DHX38: variants seen among roughly 807,000 people sequenced by gnomAD.
The protein encoded by DHX38 is pre-mRNA-splicing factor ATP-dependent RNA helicase PRP16.
Under a neutral mutation model 153.1 loss-of-function variants are expected in DHX38, and 100 were observed. The observed-to-expected ratio is 0.65, with a 90% CI of 0.56 to 0.77. The LOEUF (loss-of-function observed/expected upper bound fraction) is 0.77. Among genes scored for constraint, DHX38 ranks in the 30% least tolerant of loss-of-function variants. The pLI is 0.00. For synonymous variants in DHX38, 650 were observed against 631.7 expected, an observed-to-expected ratio of 1.03 and a Z score of -0.43; for missense variants, 1,440 against 1,654.0, an observed-to-expected ratio of 0.87 and a Z score of 2.24.
intron 11 of DHX38, among the ~76,000 whole-genome samples, chr16:72,102,814 G>T (rs1188218957): frequency 6.6e-6 from 1 of 152,172 alleles, no homozygotes; most frequent in South Asian, 2.1e-4. Flanking sequence ...TGCTAATATG[G>T]TGATCTGTAA....
chr16:72,103,687 A>G lies in DHX38; in HGVS notation c.1723A>G (p.Thr575Ala), dbSNP rs1210169680. The G allele has an allele frequency of 6.2e-7, 1 of 1,614,200 alleles. No homozygotes were observed. The highest frequency in any genetic ancestry group is 8.5e-7 in the Non-Finnish European group (1 of 1,180,022). The change falls in exon 13 of 27, where the codon ACG (threonine) becomes GCG (alanine). Residue 575 changes from threonine (T) to alanine (A), a missense_variant. Transcript: ENST00000268482. The part of the protein sequence containing the change: ...LTQYLHEDGY[T>A]DYGMIGCTQP... ...GCAGTACCTGCATGAAGATGGTTAC[A>G]CGGACTATGGGATGATTGGGTGTAC...
In DHX38 at chr16:72,103,715, A is replaced by C; in HGVS notation, c.1751A>C (p.Gln584Pro). The change falls in exon 13 of 27, where the codon CAG becomes CCG. Residue 584 changes from glutamine to proline, a missense_variant. Gln to Pro is a moderately conservative substitution (Grantham distance 76). This residue lies in a region of DHX38 where 241 missense variants were observed against 229.5 expected (regional missense o/e 1.05). Transcript: ENST00000268482. The part of the protein sequence containing the change: ...YTDYGMIGCT[Q>P]PRRVAAMSVA... ...GACTATGGGATGATTGGGTGTACCC[A>C]GCCCCGGCGTGTAGCTGCCATGTCA... 6.2e-7 allele frequency: 1 copy of C among 1,614,118 alleles called. No individual in the cohort carries two copies. The highest frequency in any genetic ancestry group is 8.5e-7 in the Non-Finnish European group (1 of 1,179,954).
In DHX38 at chr16:72,105,219, C is replaced by A; in HGVS notation, c.2263-13C>A. 1 of 1,614,008 alleles carries A rather than the reference C, an allele frequency of 6.2e-7. No individual in the cohort carries two copies. On this transcript the variant is annotated splice_polypyrimidine_tract_variant and intron_variant, in intron 16 of 26. Transcript: ENST00000268482. ...GGGTTCCAGTGTCTCACAGCTCCTC[C>A]CTGGGCTCTCAGGTGACCTCAGACC...
chr16:72,098,766 T>G lies in DHX38; in HGVS notation c.738T>G (p.His246Gln), dbSNP rs1217361626. The stretch of plus-strand genomic sequence containing the variant: ...CCTATCGGGATTCTGAGCGGAGCCA[T>G]CGGCTGTCCACTCGAGATCGAGACA... ...TPSYRDSERS[H>Q]RLSTRDRDRS... Residue 246 changes from histidine (H) to glutamine (Q), a missense_variant, in exon 5 of 27, where the codon CAT becomes CAG. Transcript: ENST00000268482. The G allele has an allele frequency of 6.2e-7, 1 of 1,614,116 alleles. No homozygotes were observed. The highest frequency in any genetic ancestry group is 8.5e-7 in the Non-Finnish European group (1 of 1,180,016).
At chr16:72,099,973 A>G in intron 8 of DHX38, 86 bp downstream of exon 8, 7 of 1,501,694 alleles carry the variant, frequency 4.7e-6, no homozygotes, top group Non-Finnish European at 6.3e-6. Flanking sequence ...AAGTGAGGGC[A>G]GCACAGCTTG....
chr16:72,099,280 G>T lies in DHX38; in HGVS notation c.960G>T (p.Arg320Ser), dbSNP rs1363383431. 1 of 1,609,198 alleles carries T rather than the reference G, an allele frequency of 6.2e-7. No homozygotes were observed. The highest frequency in any genetic ancestry group is 1.7e-5 in the Admixed American group (1 of 59,498). The change falls in exon 7 of 27, where the codon AGG becomes AGT. Residue 320 changes from arginine (R) to serine (S), a missense_variant and splice_region_variant. Transcript: ENST00000268482. ...EERQQWEDDQ[R>S]QADRDWYMMD... The stretch of plus-strand genomic sequence containing the variant: ...GGCAGCAGTGGGAAGATGACCAGAG[G>T]GTAAAGTTTTATACCTCTGAGGGGC...
At position 72,104,699 on chromosome 16, in the gene DHX38, G is replaced by T. The variant is rs1300082236; in HGVS notation, c.2151+73G>T. The T allele has an allele frequency of 2.5e-6, 4 of 1,596,116 alleles. No individual in the cohort carries two copies. Among genetic ancestry groups the T allele is most frequent in the Non-Finnish European group, 3.4e-6 (4 of 1,169,910 alleles). On this transcript the variant is annotated intron_variant, in intron 15 of 26. Transcript: ENST00000268482. The surrounding 1 kb of genome is among the most constrained non-coding windows in gnomAD (Gnocchi z 4.5). ...TCTCTGATGCGAAGCCGGCTGGAGG[G>T]TGGAGGGTGGGTAGGGGACTGGGTT... is the stretch of plus-strand genomic sequence containing the variant.
chr16:72,095,085 T>G (rs1178931080), intron 1 of DHX38, among the ~76,000 whole-genome samples: 1 of 152,274 alleles, frequency 6.6e-6, no homozygotes, highest in East Asian at 1.9e-4. Context: ...AATTAGAGTT[T>G]GGTAAACAAT....
At chr16:72,105,722 G>A in intron 18 of DHX38, 98 bp downstream of exon 18, 2 of 1,229,440 alleles carry the variant, frequency 1.6e-6, no homozygotes, top group Non-Finnish European at 1.2e-6. Flanking sequence ...CCTGGGATGT[G>A]GGGAGCGCGT....
At chr16:72,112,209 C>T (rs1389784980) in intron 26 of DHX38, 2 of 599,644 alleles carry the variant, frequency 3.3e-6, no homozygotes, top group African/African-American at 1.9e-5. Context: ...TAAAGCATAT[C>T]GGAATGAGTG....
chr16:72,102,921 C>T (rs186575662), intron 11 of DHX38, among the ~76,000 whole-genome samples, 153 bp from the exon 12 acceptor site: 4 of 152,256 alleles, frequency 2.6e-5, no homozygotes, highest in African/African-American at 4.8e-5. Flanking sequence ...GTCCTGAGGT[C>T]GATGAGAACC....
intron 3 of DHX38, 79 bp from the exon 4 acceptor site, chr16:72,097,598 C>A: frequency 7.2e-7 from 1 of 1,390,860 alleles, no homozygotes; most frequent in Non-Finnish European, 1.0e-6. Context: ...GAGTGGGCAG[C>A]CTGTCCTTTC....
At chr16:72,108,177 G>A (rs1241469138) in intron 21 of DHX38, 50 bp from the exon 22 acceptor site, 1 of 1,601,130 alleles carries the variant, frequency 6.2e-7, no homozygotes, top group Non-Finnish European at 8.5e-7. Flanking sequence ...TGTGCTCAGT[G>A]GGCCTGGACC....
Position 72,112,694 on chromosome 16 carries a change from CG to C in DHX38, c.*200del, listed in dbSNP as rs774624846. 21 of 720,674 alleles carry C rather than the reference CG, an allele frequency of 2.9e-5. No individual in the cohort carries two copies. In the African/African-American group the frequency reaches 3.5e-4, roughly 12 times the overall value. The allele number at this position is 720,674 out of a possible 1,614,324, so 44.6% of individuals were successfully genotyped here. ...TCTTCCATGCAGGAGCACGGCATGG[CG>C]GGAGCGGGGCTGCAGAGTATCCGAG... On this transcript the variant is annotated 3_prime_UTR_variant, in exon 27 of 27. Coordinates refer to ENST00000268482, the MANE Select transcript of DHX38 (RefSeq NM_014003.4).
intron 17 of DHX38, 84 bp downstream of exon 17, chr16:72,105,432 G>A (rs1034848849): frequency 3.1e-5 from 49 of 1,594,900 alleles, no homozygotes; most frequent in Non-Finnish European, 3.9e-5. Context: ...GGCAGGGGGT[G>A]GGCTAGGAGG....
chr16:72,101,425 TC>T, intron 10 of DHX38, 74 bp from the exon 11 acceptor site: 1 of 1,432,300 alleles, frequency 7.0e-7, no homozygotes, highest in Non-Finnish European at 9.6e-7. Context: ...TGAAGTCTGC[TC>T]TCCCGTGGGA....
chr16:72,103,453 G>A, intron 12 of DHX38, 149 bp from the exon 13 acceptor site: 1 of 976,918 alleles, frequency 1.0e-6, no homozygotes, highest in Non-Finnish European at 1.5e-6. Flanking sequence ...CTCAGTAAGA[G>A]GCTGTTGTCC....
intron 8 of DHX38, 46 bp downstream of exon 8, chr16:72,099,933 G>A (rs969473976): frequency 1.9e-6 from 3 of 1,558,638 alleles, no homozygotes; most frequent in Non-Finnish European, 2.6e-6. Flanking sequence ...GCTGGAGGTA[G>A]AGCACGTGGG....
chr16:72,104,998 C>T lies in DHX38; in HGVS notation c.2152-29C>T, dbSNP rs2042153968. The T allele has an allele frequency of 1.9e-6, 3 of 1,607,886 alleles. No homozygotes were observed. Among genetic ancestry groups the T allele is most frequent in the African/African-American group, 1.3e-5 (1 of 74,960 alleles). On this transcript the variant is annotated intron_variant, in intron 15 of 26. Coordinates refer to ENST00000268482, the MANE Select transcript of DHX38 (RefSeq NM_014003.4). This position sits in a 1 kb window ranked among gnomAD's most constrained non-coding sequence, Gnocchi z 4.5. ...CCCGGCCTGCGCTTCTAGTACCTCC[C>T]TCTGACTGTGTCCCCACTGCTGTTG...
Sources: allele counts gnomAD v4.1 joint callset (sites outside exome capture counted in the v4.1 genomes callset), GRCh38; gene constraint gnomAD v4.1.1; regional missense constraint gnomAD v4.1.1; non-coding constraint Gnocchi (gnomAD v3.1); transcripts MANE v1.5; gene names NCBI Gene and HGNC (gene_info 2026-07-23, HGNC 2026-07-21).